LMO7: variants seen among roughly 807,000 people sequenced by gnomAD.
The protein encoded by LMO7 is LIM domain only protein 7.
Under a neutral mutation model 206.5 loss-of-function variants are expected in LMO7, and 120 were observed. The ratio of observed to expected loss-of-function variants is 0.58; its 90% CI spans 0.50 to 0.68. LMO7 has a LOEUF of 0.68. Ranked by LOEUF, LMO7 falls within the 30% of genes least tolerant of loss-of-function variation. LMO7 has a pLI of 0.00. For missense variants in LMO7, 1,959 were observed against 1,957.9 expected, an observed-to-expected ratio of 1.00 and a Z score of -0.01; for synonymous variants, 706 against 681.5, an observed-to-expected ratio of 1.04 and a Z score of -0.56.
At chr13:75,759,998 A>G (rs1745411990) in intron 3 of LMO7, among the ~76,000 whole-genome samples, 1 of 151,912 alleles carries the variant, frequency 6.6e-6, no homozygotes, top group Non-Finnish European at 1.5e-5. Flanking sequence ...AACAGTTAAT[A>G]TGGAGAACCC....
At chr13:75,739,976 TTTCTC>T (rs1368579238) in intron 3 of LMO7, among the ~76,000 whole-genome samples, 7 of 152,186 alleles carry the variant, frequency 4.6e-5, no homozygotes, top group Admixed American at 3.9e-4. Context: ...CCACTTCTCT[TTTCTC>T]TTCTTTCTCA....
At chr13:75,840,260 G>A in intron 21 of LMO7, 131 bp from the exon 22 acceptor site, 2 of 1,372,180 alleles carry the variant, frequency 1.5e-6, no homozygotes, top group Non-Finnish European at 2.1e-6. Context: ...AAAATTCAAA[G>A]CCAGCTCTCC....
At chr13:75,728,638 C>T (rs2044739570) in intron 3 of LMO7, among the ~76,000 whole-genome samples, 1 of 139,998 alleles carries the variant, frequency 7.1e-6, no homozygotes, top group Admixed American at 7.0e-5. Context: ...AATTAGATCC[C>T]ATTTGTCAAT....
intron 4 of LMO7, among the ~76,000 whole-genome samples, chr13:75,773,182 T>C (rs913399065): frequency 2.0e-5 from 3 of 152,068 alleles, no homozygotes; most frequent in Admixed American, 2.0e-4. Flanking sequence ...TGAGTAAAGA[T>C]GAGTTAAGTA....
chr13:75,790,729 C>G (rs1419264825), intron 4 of LMO7, among the ~76,000 whole-genome samples: 1 of 152,046 alleles, frequency 6.6e-6, no homozygotes, highest in Non-Finnish European at 1.5e-5. Context: ...CTTGGGGCTC[C>G]CTTGTTCTTA....
In LMO7 at chr13:75,819,454, AAG is replaced by A. The variant is rs1177682892; in HGVS notation, c.2134_2135del (p.Glu712ArgfsTer3). ...ACTTCAGATCTGCAGAAGAAAAAAG[AAG>A]AGAGAGAAGAAATTGAAAAGCAGGC... On this transcript the variant is annotated frameshift_variant, in exon 13 of 31. Coordinates refer to ENST00000377534, the MANE Select transcript of LMO7 (RefSeq NM_001306080.2). LOFTEE classifies it high-confidence loss of function. 3.7e-6 allele frequency: 6 copies of A among 1,613,198 alleles called. No homozygotes were observed. Among genetic ancestry groups the A allele is most frequent in the Non-Finnish European group, 4.2e-6 (5 of 1,179,774 alleles).
At chr13:75,780,363 C>T (rs560091357) in intron 4 of LMO7, among the ~76,000 whole-genome samples, 21 of 152,302 alleles carry the variant, frequency 1.4e-4, no homozygotes, top group Admixed American at 1.1e-3. Context: ...GGAGTGCATT[C>T]TTTTCCCAGG....
At chr13:75,660,786 G>A (rs1390307956) in intron 1 of LMO7, among the ~76,000 whole-genome samples, 1 of 152,068 alleles carries the variant, frequency 6.6e-6, no homozygotes, top group Non-Finnish European at 1.5e-5. Flanking sequence ...CATGTTTTCC[G>A]TTTTTAGAAA....
chr13:75,730,405 T>C (rs947993858), intron 3 of LMO7, among the ~76,000 whole-genome samples: 4 of 151,892 alleles, frequency 2.6e-5, no homozygotes, highest in Non-Finnish European at 5.9e-5. Flanking sequence ...GATTTTCTAG[T>C]TTATTTGCGT....
At position 75,727,099 on chromosome 13, in the gene LMO7, G is replaced by A; in HGVS notation, c.210+1G>A. 1.3e-6 allele frequency: 2 copies of A among 1,555,124 alleles called. No individual in the cohort carries two copies. The highest frequency in any genetic ancestry group is 2.3e-5 in the East Asian group (1 of 44,250). On this transcript the variant is annotated splice_donor_variant, in intron 3 of 30. Transcript: ENST00000377534. LOFTEE classifies it high-confidence loss of function. Reference sequence around the variant, plus strand: ...ACTGTCTACACCAATAGCAGGATTGGTAAGTAGTAAATTATCTTCACAACT... The same window carrying A: ...ACTGTCTACACCAATAGCAGGATTGATAAGTAGTAAATTATCTTCACAACT...
At chr13:75,724,145 A>G (rs767167795) in intron 2 of LMO7, among the ~76,000 whole-genome samples, 9 of 152,168 alleles carry the variant, frequency 5.9e-5, no homozygotes, top group Non-Finnish European at 8.8e-5. Context: ...GAATTCCAAC[A>G]TTCAGATCCT....
At chr13:75,660,692 T>G (rs2038501343) in intron 1 of LMO7, among the ~76,000 whole-genome samples, 1 of 152,230 alleles carries the variant, frequency 6.6e-6, no homozygotes. Context: ...CTTCATGGTC[T>G]CAGGAGGTTG....
At chr13:75,733,036 G>A (rs1000483084) in intron 3 of LMO7, among the ~76,000 whole-genome samples, 3 of 152,080 alleles carry the variant, frequency 2.0e-5, no homozygotes, top group African/African-American at 7.2e-5. Context: ...TGCCCCTACT[G>A]GGGGGTGCCT....
chr13:75,631,470 A>G (rs1267552162), upstream of LMO7: 2 of 152,174 alleles, frequency 1.3e-5, no homozygotes, highest in African/African-American at 4.8e-5. Context: ...GAGTCTTTAG[A>G]AGCTGACAGA....
rs979210624 is a variant in LMO7 at position 75,755,733 on chromosome 13, G to A, written c.211-5199G>A. Among the ~76,000 whole-genome samples, 20 of 152,240 alleles carry A rather than the reference G, an allele frequency of 1.3e-4. 1 individual carries two copies. The highest frequency in any genetic ancestry group is 4.8e-4 in the African/African-American group (20 of 41,556). ...GTATTCTTTATTATTAAAATCTTGT[G>A]GTAGCCAGCTTCCAAAATGGTCCCA... On this transcript the variant is annotated intron_variant, in intron 3 of 30. Coordinates refer to ENST00000377534, the MANE Select transcript of LMO7 (RefSeq NM_001306080.2).
intron 26 of LMO7, among the ~76,000 whole-genome samples, chr13:75,846,563 C>G (rs1370096233): frequency 1.3e-5 from 2 of 152,072 alleles, no homozygotes; most frequent in Non-Finnish European, 2.9e-5. Context: ...TATTTTTAAC[C>G]TGCAGCGATT....
At chr13:75,787,979 A>AT (rs1445414102) in intron 4 of LMO7, among the ~76,000 whole-genome samples, 2 of 152,198 alleles carry the variant, frequency 1.3e-5, no homozygotes, top group Non-Finnish European at 2.9e-5. Context: ...TCTATTTTAA[A>AT]TAGTGCGATG....
chr13:75,758,721 A>G (rs941123750), intron 3 of LMO7, among the ~76,000 whole-genome samples: 1 of 152,202 alleles, frequency 6.6e-6, no homozygotes, highest in African/African-American at 2.4e-5. Flanking sequence ...TTTGTCAACT[A>G]GATGAATGCT....
chr13:75,838,123 A>T lies in LMO7; in HGVS notation c.3395-17A>T. On this transcript the variant is annotated splice_polypyrimidine_tract_variant and intron_variant, in intron 19 of 30. Coordinates refer to ENST00000377534, the MANE Select transcript of LMO7 (RefSeq NM_001306080.2). Reference sequence around the variant, plus strand: ...AATAAAAATGAATGACATAGTGTTTATTTTTTTTTCAACTAGCATCTGAAT... The same window carrying T: ...AATAAAAATGAATGACATAGTGTTTTTTTTTTTTTCAACTAGCATCTGAAT... The T allele has an allele frequency of 4.1e-6, 6 of 1,451,070 alleles. No individual in the cohort carries two copies. Among genetic ancestry groups the T allele is most frequent in the Non-Finnish European group, 5.8e-6 (6 of 1,036,886 alleles). The allele number at this position is 1,451,070 out of a possible 1,614,324, so 89.9% of individuals were successfully genotyped here.
Sources: allele counts gnomAD v4.1 joint callset (sites outside exome capture counted in the v4.1 genomes callset), GRCh38; gene constraint gnomAD v4.1.1; transcripts MANE v1.5; gene names NCBI Gene and HGNC (gene_info 2026-07-23, HGNC 2026-07-21).